PTCHD1: variants seen among roughly 807,000 people sequenced by gnomAD.
PTCHD1 encodes patched domain containing 1.
A neutral mutation model predicts 34.6 loss-of-function variants in PTCHD1; 3 were observed. That is an observed-to-expected ratio of 0.09 (90% CI 0.04 to 0.22). The LOEUF (loss-of-function observed/expected upper bound fraction) is 0.22. PTCHD1 is among the 10% of genes least tolerant of loss of function. The pLI, the probability that PTCHD1 is intolerant of heterozygous loss-of-function variation, is 1.00. For missense variants in PTCHD1, 504 were observed against 685.5 expected (o/e 0.74, Z 2.96); for synonymous variants, 305 against 283.1 (o/e 1.08, Z -0.77).
rs181537232 is a variant in PTCHD1, at chrX:23,362,821, A to T, written c.352-16770A>T. ...CTACAGATGGGGTTTTGGTGTGGAT[A>T]TCCTTTCTGTTGATTTTGATGTTAT... On this transcript the variant is annotated intron_variant, in intron 1 of 2. Transcript: ENST00000379361. 1.4e-4 allele frequency among the ~76,000 whole-genome samples: 16 copies of T among 111,759 alleles called. No individual in the cohort carries two copies. The East Asian group carries it at 4.5e-3, about 31-fold the overall frequency.
intron 1 of PTCHD1, 87 bp downstream of exon 1, chrX:23,335,313 C>T (rs1380637818): frequency 3.8e-6 from 3 of 782,278 alleles, no homozygotes; most frequent in Non-Finnish European, 5.7e-6. Context: ...CTGAGAGCGC[C>T]ACCTCTCCTA....
intron 1 of PTCHD1, among the ~76,000 whole-genome samples, chrX:23,362,941 C>G (rs1455142013): frequency 8.9e-6 from 1 of 112,492 alleles, no homozygotes; most frequent in East Asian, 2.8e-4. Flanking sequence ...CCCTGTTTGA[C>G]TGGGTATCAC....
At chrX:23,354,308 G>A (rs2363129) in intron 1 of PTCHD1, among the ~76,000 whole-genome samples, 26,687 of 108,100 alleles carry the variant, frequency 0.25, 2,833 homozygotes, top group East Asian at 0.57. Context: ...TTGAGTTAAC[G>A]TGTGTAAAGC....
Position 23,398,046 on chromosome X carries a change from G to A in PTCHD1, c.*3861G>A, listed in dbSNP as rs1923034571. 9.0e-6 allele frequency: 1 copy of A among 111,485 alleles called. No individual in the cohort carries two copies. The highest frequency in any genetic ancestry group is 3.3e-5 in the African/African-American group (1 of 30,622). The allele number at this position is 111,485 out of a possible 1,213,427, so 9.2% of individuals were successfully genotyped here. A position where few individuals can be genotyped will look rare whatever the true frequency, so the allele number is the denominator to read the frequency against. The stretch of plus-strand genomic sequence containing the variant: ...CAAATATCGCCCAGATACTGTTCGA[G>A]AGGCTGGGGACACAACAGTCAACAA... On this transcript the variant is annotated 3_prime_UTR_variant, in exon 3 of 3. Transcript: ENST00000379361.
At chrX:23,355,679 TC>T (rs1921784205) in intron 1 of PTCHD1, among the ~76,000 whole-genome samples, 1 of 112,584 alleles carries the variant, frequency 8.9e-6, no homozygotes, top group Non-Finnish European at 1.9e-5. Context: ...ACACCTAAGT[TC>T]ATCCATTGCT....
At position 23,400,006 on chromosome X, in the gene PTCHD1, C is replaced by G. The variant is rs190901029; in HGVS notation, c.*5821C>G. 8.9e-5 allele frequency: 10 copies of G among 112,047 alleles called. No homozygotes were observed. Among genetic ancestry groups the G allele is most frequent in the African/African-American group, 2.9e-4 (9 of 30,792 alleles). The allele number at this position is 112,047 out of a possible 1,213,427, so 9.2% of individuals were successfully genotyped here. A position where few individuals can be genotyped will look rare whatever the true frequency, so the allele number is the denominator to read the frequency against. On this transcript the variant is annotated 3_prime_UTR_variant, in exon 3 of 3. Transcript: ENST00000379361. ...TGATATGCTGTTTACAACTGCATAC[C>G]ACATCCTTAGAAGGCCTGCTCCCAA... is the stretch of plus-strand genomic sequence containing the variant.
At chrX:23,375,493 G>GTGTTAGCCAGGA (rs1322650014) in intron 1 of PTCHD1, among the ~76,000 whole-genome samples, 4 of 110,167 alleles carry the variant, frequency 3.6e-5, no homozygotes, top group South Asian at 3.9e-4. Context: ...GGGTTTCACC[G>GTGTTAGCCAGGA]TGGTCTCGAT....
At chrX:23,356,504 A>C (rs1921806541) in intron 1 of PTCHD1, among the ~76,000 whole-genome samples, 1 of 111,726 alleles carries the variant, frequency 9.0e-6, no homozygotes, top group Non-Finnish European at 1.9e-5. Flanking sequence ...CCCTTTCAGA[A>C]ACAGCCCCAG....
At chrX:23,353,415 C>T (rs1204662606) in intron 1 of PTCHD1, among the ~76,000 whole-genome samples, 3 of 112,263 alleles carry the variant, frequency 2.7e-5, no homozygotes, top group Non-Finnish European at 5.6e-5. Flanking sequence ...GGAGAAACCC[C>T]GTCTCTACTA....
At chrX:23,350,085 A>AAAAAAAAAAAAAAAAAAAAAAC (rs1921587427) in intron 1 of PTCHD1, among the ~76,000 whole-genome samples, 1 of 103,843 alleles carries the variant, frequency 9.6e-6, no homozygotes, top group Non-Finnish European at 2.0e-5. Flanking sequence ...AAAAAAAAAA[A>AAAAAAAAAAAAAAAAAAAAAAC]AAAAGACCTG....
chrX:23,367,614 G>A (rs1922180776), intron 1 of PTCHD1, among the ~76,000 whole-genome samples: 1 of 111,312 alleles, frequency 9.0e-6, no homozygotes, highest in African/African-American at 3.3e-5. Context: ...AGCAAAACCA[G>A]GCTGCAGGAT....
intron 1 of PTCHD1, among the ~76,000 whole-genome samples, chrX:23,345,556 T>C (rs961805976): frequency 3.6e-5 from 4 of 112,006 alleles, no homozygotes; most frequent in African/African-American, 1.3e-4. Context: ...CAGATAGGCA[T>C]TGGAGAACTT....
Position 23,402,789 on chromosome X carries a change from C to T in PTCHD1, c.*8604C>T. The T allele has an allele frequency of 8.9e-6, 1 of 112,311 alleles. No homozygotes were observed. Among genetic ancestry groups the T allele is most frequent in the Admixed American group, 9.4e-5 (1 of 10,590 alleles). 9.3% of individuals were successfully genotyped at this position (112,311 alleles called of 1,213,427 possible). ...TTTCTTGATCAAACTTCTCTCATTC[C>T]TCTAAATGTACAAAGGTTTCAAAGT... On this transcript the variant is annotated 3_prime_UTR_variant, in exon 3 of 3. Coordinates refer to ENST00000379361, the MANE Select transcript of PTCHD1 (RefSeq NM_173495.3).
upstream of PTCHD1, chrX:23,334,599 G>C (rs1165981466): frequency 9.3e-6 from 1 of 107,458 alleles, no homozygotes; most frequent in African/African-American, 3.3e-5. Flanking sequence ...AGGGCGGAGT[G>C]GGGGCGGCGC....
At chrX:23,383,855 T>G (rs755973274) in intron 2 of PTCHD1, among the ~76,000 whole-genome samples, 130 of 112,593 alleles carry the variant, frequency 1.2e-3, no homozygotes, top group African/African-American at 3.9e-3. Flanking sequence ...CCTTTCCAAA[T>G]ATATTGATAT....
intron 1 of PTCHD1, among the ~76,000 whole-genome samples, chrX:23,375,102 A>G (rs1922374656): frequency 9.0e-6 from 1 of 110,620 alleles, no homozygotes; most frequent in South Asian, 3.9e-4. Flanking sequence ...AAATCGTTAA[A>G]CTCTAAACCC....
At chrX:23,346,348 A>C (rs1349649010) in intron 1 of PTCHD1, among the ~76,000 whole-genome samples, 2 of 111,289 alleles carry the variant, frequency 1.8e-5, no homozygotes, top group Non-Finnish European at 3.8e-5. Context: ...GAGAGATCCG[A>C]CCCACTCGGA....
chrX:23,343,294 C>G (rs943801167), intron 1 of PTCHD1, among the ~76,000 whole-genome samples: 3 of 111,777 alleles, frequency 2.7e-5, no homozygotes, highest in Admixed American at 1.9e-4. Context: ...CTTGGAAAAC[C>G]AAATATCTGA....
At chrX:23,390,926 C>T (rs1450278411) in intron 2 of PTCHD1, among the ~76,000 whole-genome samples, 1 of 92,368 alleles carries the variant, frequency 1.1e-5, no homozygotes, top group Non-Finnish European at 2.1e-5. Context: ...TTTTATTATC[C>T]TCAATAATGG....
Sources: allele counts gnomAD v4.1 joint callset (sites outside exome capture counted in the v4.1 genomes callset), GRCh38; gene constraint gnomAD v4.1.1; transcripts MANE v1.5; gene names NCBI Gene and HGNC (gene_info 2026-07-23, HGNC 2026-07-21).